Variants in SOX6 observed in about 807,000 individuals in gnomAD.
SOX6 encodes the protein transcription factor SOX-6.
SOX6 carries 11 observed loss-of-function variants against 97.8 expected under a neutral mutation model. The observed-to-expected ratio is 0.11, with a 90% CI of 0.07 to 0.19. The LOEUF (loss-of-function observed/expected upper bound fraction) is 0.19, where lower values mean the gene tolerates loss of function less well. SOX6 is among the 10% of genes least tolerant of loss of function. The probability of loss-of-function intolerance (pLI) is 1.00; values close to 1 mark genes in which losing one functional copy is unlikely to be tolerated. For missense variants in SOX6, 810 were observed against 1,039.5 expected, an observed-to-expected ratio of 0.78 and a Z score of 3.04; for synonymous variants, 360 against 371.4, an observed-to-expected ratio of 0.97 and a Z score of 0.35.
chr11:15,998,294 C>T (rs939390097), intron 13 of SOX6, among the ~76,000 whole-genome samples: 4 of 150,098 alleles, frequency 2.7e-5, no homozygotes, highest in Non-Finnish European at 5.9e-5. Flanking sequence ...ATACTAGCAA[C>T]AAACAATTAA....
At chr11:16,352,585 G>A (rs1469904354) in intron 1 of SOX6, among the ~76,000 whole-genome samples, 1 of 151,948 alleles carries the variant, frequency 6.6e-6, no homozygotes, top group East Asian at 1.9e-4. Flanking sequence ...CTAATGCCAG[G>A]GCAGATGCTA....
intron 6 of SOX6, among the ~76,000 whole-genome samples, chr11:16,179,331 C>T (rs569398428): frequency 6.6e-6 from 1 of 151,896 alleles, no homozygotes; most frequent in South Asian, 2.1e-4. Flanking sequence ...ACGTGGGAAA[C>T]ATACAGACTC....
intron 4 of SOX6, among the ~76,000 whole-genome samples, chr11:16,536,356 C>G (rs1861307245): frequency 6.6e-6 from 1 of 152,104 alleles, no homozygotes; most frequent in South Asian, 2.1e-4. Context: ...CAAATAGGAA[C>G]AGCTCCAGTC....
At chr11:16,261,931 T>C (rs1853911790) in intron 3 of SOX6, among the ~76,000 whole-genome samples, 1 of 152,092 alleles carries the variant, frequency 6.6e-6, no homozygotes, top group Non-Finnish European at 1.5e-5. Context: ...CCTTTTCTTA[T>C]TATTTTGAGG....
At chr11:15,983,836 G>A (rs1853744037) in intron 15 of SOX6, among the ~76,000 whole-genome samples, 1 of 152,006 alleles carries the variant, frequency 6.6e-6, no homozygotes, top group South Asian at 2.1e-4. Flanking sequence ...TTGAGAACAG[G>A]ATACTTAGTC....
At position 16,196,813 on chromosome 11, in the gene SOX6, GTCTTCT is replaced by G. The variant is rs71861748; in HGVS notation, c.536-9864_536-9859del. Reference sequence around the variant, plus strand: ...AACAGACTGATTTGACTGGTCCTCTGTCTTCTTCTTCTTCTTCTTTTTTTTTTTTTT... The same window carrying G: ...AACAGACTGATTTGACTGGTCCTCTGTCTTCTTCTTCTTTTTTTTTTTTTT... On this transcript the variant is annotated intron_variant, in intron 4 of 15. Coordinates refer to ENST00000683767, the MANE Select transcript of SOX6 (RefSeq NM_001367873.1). Among the ~76,000 whole-genome samples, 41 of 116,968 alleles carry G rather than the reference GTCTTCT, an allele frequency of 3.5e-4. 1 individual carries two copies. Among genetic ancestry groups the G allele is most frequent in the African/African-American group, 1.2e-3 (34 of 29,466 alleles). The allele number at this position is 116,968 out of a possible 152,430, so 76.7% of individuals were successfully genotyped here.
chr11:16,062,469 T>C (rs182495815), intron 9 of SOX6, among the ~76,000 whole-genome samples: 24 of 151,786 alleles, frequency 1.6e-4, no homozygotes, highest in Admixed American at 7.9e-4. Context: ...TTTCTAAACA[T>C]AGTTGAGGTT....
rs573702607 is a variant in SOX6 at position 16,607,262 on chromosome 11, G to A, written n.609+4819C>T. 6.5e-4 allele frequency: 99 copies of A among 153,010 alleles called. No individual in the cohort carries two copies. Among genetic ancestry groups the A allele is most frequent in the Non-Finnish European group, 1.3e-3 (88 of 68,710 alleles). The allele number at this position is 153,010 out of a possible 1,614,324, so 9.5% of individuals were successfully genotyped here. A position where few individuals can be genotyped will look rare whatever the true frequency, so the allele number is the denominator to read the frequency against. ...GCTCCTGCCCCCTGCCCCCTCCGGC[G>A]CCCCAACAGGTAGCTCACAGCGGGC... On this transcript the variant is annotated intron_variant and non_coding_transcript_variant, in intron 4 of 5. Transcript: ENST00000524520. The surrounding 1 kb of genome is among the most constrained non-coding windows in gnomAD (Gnocchi z 6.5).
At chr11:16,477,223 T>C (rs1270222110), upstream of SOX6, among the ~76,000 whole-genome samples, 1 of 152,178 alleles carries the variant, frequency 6.6e-6, no homozygotes, top group Admixed American at 6.5e-5. Flanking sequence ...AGAGCTTGGG[T>C]TCCTAAATTA....
intron 3 of SOX6, among the ~76,000 whole-genome samples, chr11:16,271,362 C>CGTTATAGTTATA (rs1854254685): frequency 6.6e-6 from 1 of 151,356 alleles, no homozygotes; most frequent in Non-Finnish European, 1.5e-5. Context: ...CTAGGTATAA[C>CGTTATAGTTATA]GTTATAGTTA....
chr11:16,507,129 T>C (rs1393497366), intron 4 of SOX6, among the ~76,000 whole-genome samples: 1 of 152,094 alleles, frequency 6.6e-6, no homozygotes, highest in Non-Finnish European at 1.5e-5. Context: ...TCTTACTCAC[T>C]CTTCCTCCTG....
chr11:16,542,160 T>C (rs981032669), intron 4 of SOX6, among the ~76,000 whole-genome samples: 1 of 152,198 alleles, frequency 6.6e-6, no homozygotes, highest in Non-Finnish European at 1.5e-5. Flanking sequence ...TCATGTCCTT[T>C]GCAGGGACAT....
intron 1 of SOX6, among the ~76,000 whole-genome samples, chr11:16,379,191 G>T (rs375174896): frequency 1.3e-5 from 2 of 152,144 alleles, no homozygotes; most frequent in East Asian, 1.9e-4. Flanking sequence ...TGCAGGCCGG[G>T]CACAGTGGTT....
intron 4 of SOX6, among the ~76,000 whole-genome samples, chr11:16,201,925 G>T (rs1045549081): frequency 7.4e-6 from 1 of 135,358 alleles, no homozygotes; most frequent in Non-Finnish European, 1.5e-5. Context: ...GAGCCACCGC[G>T]CCCGGCCTGC....
At chr11:16,281,983 G>GTA (rs57254231) in intron 3 of SOX6, among the ~76,000 whole-genome samples, 1,615 of 142,930 alleles carry the variant, frequency 0.011, 29 homozygotes, top group African/African-American at 0.038. Context: ...ATAAAATCAT[G>GTA]TATATATATA....
At chr11:16,223,678 A>G (rs1196486866) in intron 4 of SOX6, among the ~76,000 whole-genome samples, 1 of 152,102 alleles carries the variant, frequency 6.6e-6, no homozygotes, top group Non-Finnish European at 1.5e-5. Context: ...TCTAACACAC[A>G]TCATTTAAGC....
intron 4 of SOX6, among the ~76,000 whole-genome samples, chr11:16,598,644 C>T (rs1848236618): frequency 2.1e-5 from 3 of 143,564 alleles, no homozygotes; most frequent in Admixed American, 6.8e-5. Flanking sequence ...AATGAGTATG[C>T]TCTTTAAAAA....
At chr11:16,307,142 A>G (rs1005334386) in intron 3 of SOX6, among the ~76,000 whole-genome samples, 2 of 152,204 alleles carry the variant, frequency 1.3e-5, no homozygotes, top group African/African-American at 4.8e-5. Flanking sequence ...CTTGAAAGCC[A>G]GAGTAATATG....
At chr11:16,030,316 T>C (rs1855333850) in intron 12 of SOX6, among the ~76,000 whole-genome samples, 3 of 152,222 alleles carry the variant, frequency 2.0e-5, no homozygotes, top group Admixed American at 6.5e-5. Flanking sequence ...CTCACACTTG[T>C]ACTTTCAATT....
Sources: allele counts gnomAD v4.1 joint callset (sites outside exome capture counted in the v4.1 genomes callset), GRCh38; gene constraint gnomAD v4.1.1; non-coding constraint Gnocchi (gnomAD v3.1); transcripts MANE v1.5; gene names NCBI Gene and HGNC (gene_info 2026-07-23, HGNC 2026-07-21).